The following SMC4 variants were observed in gnomAD, a reference collection of about 807,000 sequenced individuals.
The protein encoded by SMC4 is structural maintenance of chromosomes 4.
SMC4 carries 87 observed loss-of-function variants against 145.6 expected under a neutral mutation model. The ratio of observed to expected loss-of-function variants is 0.60; its 90% CI spans 0.50 to 0.71. The LOEUF (loss-of-function observed/expected upper bound fraction) is 0.71, where lower values mean the gene tolerates loss of function less well. Ranked by LOEUF, SMC4 falls within the 30% of genes least tolerant of loss-of-function variation. The probability of loss-of-function intolerance (pLI) is 0.00; values close to 1 mark genes in which losing one functional copy is unlikely to be tolerated. For synonymous variants in SMC4, 558 were observed against 500.7 expected (o/e 1.11, Z -1.53); for missense variants, 1,447 against 1,537.1 (o/e 0.94, Z 0.98).
Position 160,417,908 on chromosome 3 carries a change from CAG to C in SMC4, c.1627_1628del (p.Asp543TyrfsTer9). ...ETLKERKAAI[R>X]DIEGKLPQTE... ...CTCTCAAAGAAAGGAAAGCTGCAAT[CAG>C]AGATATAGAAGGAAAACTCCCTCAA... On this transcript the variant is annotated frameshift_variant, in exon 11 of 24. Coordinates refer to ENST00000357388, the MANE Select transcript of SMC4 (RefSeq NM_001002800.3). LOFTEE classifies it high-confidence loss of function. 1 of 1,613,052 alleles carries C rather than the reference CAG, an allele frequency of 6.2e-7. No individual in the cohort carries two copies. Among genetic ancestry groups the C allele is most frequent in the Non-Finnish European group, 8.5e-7 (1 of 1,179,594 alleles).
intron 18 of SMC4, 98 bp downstream of exon 18, chr3:160,429,040 T>C: frequency 9.7e-7 from 1 of 1,031,772 alleles, no homozygotes; most frequent in East Asian, 2.7e-5. Flanking sequence ...TTTCTCTTAC[T>C]GTTAATTTAT....
At position 160,416,238 on chromosome 3, in the gene SMC4, T is replaced by C; in HGVS notation, c.1273-13T>C. 6.4e-7 allele frequency: 1 copy of C among 1,567,704 alleles called. No individual in the cohort carries two copies. The highest frequency in any genetic ancestry group is 8.6e-7 in the Non-Finnish European group (1 of 1,159,018). On this transcript the variant is annotated splice_polypyrimidine_tract_variant and intron_variant, in intron 9 of 23. Coordinates refer to ENST00000357388, the MANE Select transcript of SMC4 (RefSeq NM_001002800.3). Reference sequence around the variant, plus strand: ...AAAGATGTATGCTCCTATAACTTGTTTTATAATCTCAGGTTGAAGAATTTA... The same window carrying C: ...AAAGATGTATGCTCCTATAACTTGTCTTATAATCTCAGGTTGAAGAATTTA...
intron 18 of SMC4, among the ~76,000 whole-genome samples, chr3:160,430,310 C>A (rs541657709): frequency 6.6e-6 from 1 of 152,040 alleles, no homozygotes; most frequent in East Asian, 1.9e-4. Flanking sequence ...GAGAAAATGA[C>A]AAAAGAATTT....
chr3:160,402,423 A>C (rs571745567), intron 3 of SMC4, among the ~76,000 whole-genome samples: 191 of 152,296 alleles, frequency 1.3e-3, no homozygotes, highest in Non-Finnish European at 1.9e-3. Flanking sequence ...ACCCTTAGAT[A>C]ATTTAACTAT....
chr3:160,410,193 G>A (rs1022086055), intron 5 of SMC4, among the ~76,000 whole-genome samples: 1 of 152,192 alleles, frequency 6.6e-6, no homozygotes, highest in Non-Finnish European at 1.5e-5. Context: ...AGACAGTTTC[G>A]GTTGTTATAG....
chr3:160,415,825 G>A (rs1716521029), intron 9 of SMC4, among the ~76,000 whole-genome samples: 1 of 152,206 alleles, frequency 6.6e-6, no homozygotes, highest in Admixed American at 6.5e-5. Context: ...TGATGACTCT[G>A]GAAGAGTAAA....
rs560541797 is a variant in SMC4, at chr3:160,427,767, C to T, written c.2606-986C>T. Among the ~76,000 whole-genome samples, 5 of 152,236 alleles carry T rather than the reference C, an allele frequency of 3.3e-5. No homozygotes were observed. In the South Asian group the frequency reaches 1.0e-3, roughly 32 times the overall value. On this transcript the variant is annotated intron_variant, in intron 17 of 23. Transcript: ENST00000357388. ...TAAAGGCTACAGTAAACCATTATAT[C>T]GAAATCTGTGCAAACATTTTATATT...
chr3:160,433,092 T>G lies in SMC4; in HGVS notation c.3597T>G (p.Ser1199Arg). The G allele has an allele frequency of 6.2e-7, 1 of 1,613,568 alleles. No individual in the cohort carries two copies. The highest frequency in any genetic ancestry group is 1.7e-5 in the Admixed American group (1 of 60,018). Reference sequence around the variant, plus strand: ...TTTCGGGAGGAGAGAAAACACTTAGTTCATTGGCTTTAGTATTTGCTCTTC... The same window carrying G: ...TTTCGGGAGGAGAGAAAACACTTAGGTCATTGGCTTTAGTATTTGCTCTTC... ...FNLSGGEKTL[S>R]SLALVFALHH... The change falls in exon 23 of 24, where the codon AGT becomes AGG. Residue 1199 changes from serine to arginine, a missense_variant. Transcript: ENST00000357388.
chr3:160,410,865 T>G (rs1356605981), intron 5 of SMC4, among the ~76,000 whole-genome samples: 1 of 152,226 alleles, frequency 6.6e-6, no homozygotes, highest in Non-Finnish European at 1.5e-5. Context: ...GAAAACAATA[T>G]ACTATTTTTA....
At chr3:160,423,912 A>G (rs1717482589) in intron 15 of SMC4, 72 bp downstream of exon 15, 1 of 1,252,124 alleles carries the variant, frequency 8.0e-7, no homozygotes, top group Non-Finnish European at 1.1e-6. Flanking sequence ...TATACTTACT[A>G]CAAAATTTGG....
At chr3:160,413,745 GAA>G (rs200512369) in intron 8 of SMC4, 132 bp downstream of exon 8, 45 of 442,014 alleles carry the variant, frequency 1.0e-4, no homozygotes, top group South Asian at 1.9e-4. Context: ...CCCCCTTAGT[GAA>G]AAAAAAAAAC....
At chr3:160,407,180 A>G (rs1715428391) in intron 5 of SMC4, among the ~76,000 whole-genome samples, 1 of 152,234 alleles carries the variant, frequency 6.6e-6, no homozygotes, top group Admixed American at 6.5e-5. Flanking sequence ...AAAAGCTACA[A>G]CTATTAGCAC....
intron 7 of SMC4, chr3:160,412,719 G>T: frequency 1.3e-6 from 1 of 759,134 alleles, no homozygotes; most frequent in Non-Finnish European, 1.7e-6. Flanking sequence ...ATTATGTGGT[G>T]AACTTATCCA....
rs1324582690 is a variant in SMC4 at position 160,431,464 on chromosome 3, T to G, written c.3115-179T>G. Among the ~76,000 whole-genome samples, 5 of 152,170 alleles carry G rather than the reference T, an allele frequency of 3.3e-5. No individual in the cohort carries two copies. The South Asian group carries it at 1.0e-3, about 31-fold the overall frequency. On this transcript the variant is annotated intron_variant, in intron 20 of 23. Coordinates refer to ENST00000357388, the MANE Select transcript of SMC4 (RefSeq NM_001002800.3). ...CTGATCTGGACATTTAAGAAAAGAT[T>G]ACATGGACACTTTTGAGTGTTACAA... is the stretch of plus-strand genomic sequence containing the variant.
chr3:160,425,642 A>C (rs1017355914), intron 16 of SMC4, among the ~76,000 whole-genome samples: 1 of 152,168 alleles, frequency 6.6e-6, no homozygotes, highest in South Asian at 2.1e-4. Flanking sequence ...GGCTATGTTT[A>C]AAAAAATCCT....
chr3:160,430,131 G>A (rs1207186678), intron 18 of SMC4, among the ~76,000 whole-genome samples: 1 of 151,964 alleles, frequency 6.6e-6, no homozygotes, highest in Non-Finnish European at 1.5e-5. Context: ...CAAATTGATT[G>A]CATATTGATT....
intron 13 of SMC4, among the ~76,000 whole-genome samples, chr3:160,422,091 A>G (rs1429220438): frequency 1.3e-5 from 2 of 152,198 alleles, no homozygotes; most frequent in East Asian, 3.8e-4. Context: ...CATTTTGTAT[A>G]ACCATTTGTC....
At position 160,428,902 on chromosome 3, in the gene SMC4, G is replaced by A; in HGVS notation, c.2755G>A (p.Ala919Thr). 2 of 1,597,546 alleles carry A rather than the reference G, an allele frequency of 1.3e-6. No individual in the cohort carries two copies. Among genetic ancestry groups the A allele is most frequent in the South Asian group, 2.3e-5 (2 of 87,250 alleles). Reference protein sequence around the residue: ...INKQLDECASAITKAQVAIKT... With the variant: ...INKQLDECASTITKAQVAIKT... ...TAAGCAATTAGATGAATGTGCTTCTGCTATTACTAAAGCCCAAGTAGCAAT... is the reference window on the plus strand; with the variant it reads ...TAAGCAATTAGATGAATGTGCTTCTACTATTACTAAAGCCCAAGTAGCAAT... The change falls in exon 18 of 24, where the codon GCT becomes ACT. Residue 919 changes from alanine (A) to threonine (T), a missense_variant. Coordinates refer to ENST00000357388, the MANE Select transcript of SMC4 (RefSeq NM_001002800.3).
At chr3:160,407,896 T>C (rs921780969) in intron 5 of SMC4, among the ~76,000 whole-genome samples, 9 of 152,210 alleles carry the variant, frequency 5.9e-5, no homozygotes, top group African/African-American at 2.2e-4. Flanking sequence ...AACAAGTTAC[T>C]CTTTCTGTTT....
Sources: gnomAD v4.1 joint callset for allele counts (sites outside exome capture counted in the v4.1 genomes callset) on GRCh38, gnomAD v4.1.1 for gene constraint, MANE v1.5 for transcripts, NCBI Gene and HGNC (gene_info 2026-07-23, HGNC 2026-07-21) for gene names.